The following USH2A variants were observed in gnomAD, a reference collection of about 807,000 sequenced individuals.
USH2A encodes the protein usherin.
USH2A carries 443 observed loss-of-function variants against 538.9 expected under a neutral mutation model. The observed-to-expected ratio is 0.82, with a 90% CI of 0.76 to 0.89. The LOEUF is 0.89. USH2A is among the 40% of genes least tolerant of loss of function. The pLI is 0.00. For synonymous variants in USH2A, 2,413 were observed against 2,273.5 expected (o/e 1.06, Z -1.75); for missense variants, 6,633 against 6,324.8 (o/e 1.05, Z -1.65).
At chr1:216,365,445 A>G (rs1468118119) in intron 3 of USH2A, among the ~76,000 whole-genome samples, 1 of 152,212 alleles carries the variant, frequency 6.6e-6, no homozygotes, top group African/African-American at 2.4e-5. Flanking sequence ...GAGCAAAATG[A>G]GTACAAGGGA....
intron 30 of USH2A, among the ~76,000 whole-genome samples, chr1:216,050,778 T>TG (rs1203244172): frequency 6.6e-6 from 1 of 151,134 alleles, no homozygotes; most frequent in African/African-American, 2.4e-5. Context: ...CTAATTTTTT[T>TG]GTATTTTTAG....
intron 70 of USH2A, among the ~76,000 whole-genome samples, chr1:215,631,613 G>A (rs184020723): frequency 9.1e-4 from 138 of 152,316 alleles, no homozygotes; most frequent in Non-Finnish European, 1.4e-3. Flanking sequence ...TCCACCCGGT[G>A]CCCTGGTGTA....
intron 3 of USH2A, among the ~76,000 whole-genome samples, chr1:216,377,202 T>C (rs1244145430): frequency 6.6e-6 from 1 of 152,180 alleles, no homozygotes; most frequent in African/African-American, 2.4e-5. Flanking sequence ...GAATTGTTTG[T>C]TTAAATAAAT....
rs148674752 is a variant in USH2A at position 215,650,744 on chromosome 1, C to G, written c.14191G>C (p.Gly4731Arg). The change falls in exon 65 of 72, where the codon GGG becomes CGG. Residue 4731 changes from glycine (G) to arginine (R), a missense_variant. Physicochemically the swap from Gly to Arg is moderately radical, Grantham distance 125. Transcript: ENST00000307340. ...APSSWTWCRT[G>R]PAPPEGLRAP... Reference sequence around the variant, plus strand: ...CTGAGACCTTCTGGTGGGGCTGGCCCGGTTCTGCACCATGTCCAGCTACTG... The same window carrying G: ...CTGAGACCTTCTGGTGGGGCTGGCCGGGTTCTGCACCATGTCCAGCTACTG... The G allele has an allele frequency of 1.9e-6, 3 of 1,613,520 alleles. No homozygotes were observed. The highest frequency in any genetic ancestry group is 2.2e-5 in the South Asian group (2 of 91,060).
chr1:215,960,024 G>A (rs1667158737), intron 37 of USH2A, among the ~76,000 whole-genome samples: 1 of 152,168 alleles, frequency 6.6e-6, no homozygotes, highest in Non-Finnish European at 1.5e-5. Flanking sequence ...ACTAAGTACA[G>A]GATCAGTGTG....
At chr1:215,733,304 C>G (rs1268860792) in intron 60 of USH2A, among the ~76,000 whole-genome samples, 1 of 152,128 alleles carries the variant, frequency 6.6e-6, no homozygotes, top group Non-Finnish European at 1.5e-5. Flanking sequence ...GGTGCTACAC[C>G]ATTCATAAGG....
intron 22 of USH2A, among the ~76,000 whole-genome samples, chr1:216,089,343 CCA>C (rs1354080101): frequency 6.6e-6 from 1 of 152,022 alleles, no homozygotes; most frequent in Non-Finnish European, 1.5e-5. Flanking sequence ...TCCCTGTGCA[CCA>C]CAGTGTACAG....
chr1:215,734,834 G>T (rs113489133), intron 60 of USH2A, among the ~76,000 whole-genome samples: 2 of 152,072 alleles, frequency 1.3e-5, no homozygotes, highest in African/African-American at 4.8e-5. Context: ...CATTAGTCTG[G>T]TCTTCACTGT....
At chr1:216,037,551 A>C (rs557832570) in intron 32 of USH2A, among the ~76,000 whole-genome samples, 27 of 152,188 alleles carry the variant, frequency 1.8e-4, no homozygotes, top group African/African-American at 6.0e-4. Flanking sequence ...CTCCTATTAC[A>C]ATTATTTGAT....
intron 13 of USH2A, among the ~76,000 whole-genome samples, chr1:216,238,410 C>T (rs1225232915): frequency 6.6e-6 from 1 of 152,056 alleles, no homozygotes; most frequent in Non-Finnish European, 1.5e-5. Context: ...GGTCATCCAG[C>T]ACTGAAAAAG....
chr1:215,977,926 G>A (rs955045523), intron 35 of USH2A, among the ~76,000 whole-genome samples: 1 of 152,288 alleles, frequency 6.6e-6, no homozygotes, highest in East Asian at 1.9e-4. Flanking sequence ...AGGAGTTCGA[G>A]ACCAGCCTGA....
intron 20 of USH2A, among the ~76,000 whole-genome samples, chr1:216,185,579 A>T (rs759661679): frequency 2.0e-5 from 3 of 151,936 alleles, no homozygotes; most frequent in Non-Finnish European, 2.9e-5. Flanking sequence ...GCTATTAGAC[A>T]TAAGAGTTAA....
chr1:215,888,391 A>G, intron 41 of USH2A, 35 bp downstream of exon 41: 2 of 1,610,900 alleles, frequency 1.2e-6, no homozygotes, highest in Non-Finnish European at 1.7e-6. Context: ...TACATTCCTA[A>G]GTCTGCAAAG....
At chr1:215,918,122 T>C (rs2102486054) in intron 38 of USH2A, among the ~76,000 whole-genome samples, 1 of 152,238 alleles carries the variant, frequency 6.6e-6, no homozygotes, top group South Asian at 2.1e-4. Flanking sequence ...AATTTAGTCA[T>C]TTAATGATTG....
chr1:215,890,343 G>A (rs957681473), intron 40 of USH2A, among the ~76,000 whole-genome samples: 2 of 152,186 alleles, frequency 1.3e-5, no homozygotes, highest in Non-Finnish European at 2.9e-5. Flanking sequence ...AAAGAAGGTT[G>A]AAATTTTAAA....
At chr1:216,090,306 T>A (rs2032265910) in intron 22 of USH2A, among the ~76,000 whole-genome samples, 1 of 151,954 alleles carries the variant, frequency 6.6e-6, no homozygotes, top group Non-Finnish European at 1.5e-5. Context: ...ATGATTTCTG[T>A]TTATCTTTCT....
rs73090720 is a variant in USH2A, at chr1:215,816,362, G to A, written c.9570+635C>T. On this transcript the variant is annotated intron_variant, in intron 48 of 71. Coordinates refer to ENST00000307340, the MANE Select transcript of USH2A (RefSeq NM_206933.4). ...AATAATTTGTATTTTGATCCATATT[G>A]CTTCAGTAACTCACTTTCTTAATTA... is the stretch of plus-strand genomic sequence containing the variant. Among the ~76,000 whole-genome samples, 643 of 152,114 alleles carry A rather than the reference G, an allele frequency of 4.2e-3. 4 individuals carry two copies. The highest frequency in any genetic ancestry group is 0.014 in the African/African-American group (598 of 41,550).
intron 60 of USH2A, among the ~76,000 whole-genome samples, chr1:215,734,108 T>C (rs1660083975): frequency 6.6e-6 from 1 of 152,224 alleles, no homozygotes; most frequent in Non-Finnish European, 1.5e-5. Context: ...GGCTTTCTCA[T>C]ACATTCTCTG....
chr1:215,755,700 G>T lies in USH2A; in HGVS notation c.11389+2895C>A, dbSNP rs187082304. Among the ~76,000 whole-genome samples, 167 of 152,232 alleles carry T rather than the reference G, an allele frequency of 1.1e-3. 1 individual carries two copies. Among genetic ancestry groups the T allele is most frequent in the Non-Finnish European group, 2.0e-3 (136 of 68,012 alleles). The stretch of plus-strand genomic sequence containing the variant: ...GAATATTATAGATTTATTAACCATT[G>T]GTTAAATGGTCAGAGTTAGTGTGTA... On this transcript the variant is annotated intron_variant, in intron 58 of 71. Coordinates refer to ENST00000307340, the MANE Select transcript of USH2A (RefSeq NM_206933.4).
Sources: allele counts gnomAD v4.1 joint callset (sites outside exome capture counted in the v4.1 genomes callset), GRCh38; gene constraint gnomAD v4.1.1; transcripts MANE v1.5; gene names NCBI Gene and HGNC (gene_info 2026-07-23, HGNC 2026-07-21).